Variants in NSMCE2 observed in about 807,000 individuals in gnomAD.
NSMCE2 encodes the protein NSE2 SUMO ligase component of SMC5/6 complex.
Under a neutral mutation model 23.8 loss-of-function variants are expected in NSMCE2, and 24 were observed. That is an observed-to-expected ratio of 1.01 (90% confidence interval 0.73 to 1.42). NSMCE2 has a LOEUF of 1.42. NSMCE2 is among the 40% of genes most tolerant of loss of function. The pLI is 0.00. For missense variants in NSMCE2, 284 were observed against 296.5 expected (o/e 0.96, Z 0.31); for synonymous variants, 92 against 94.1 (o/e 0.98, Z 0.13).
rs142877289 is a variant in NSMCE2 at position 125,252,449 on chromosome 8, C to G, written c.418+70193C>G. Among the ~76,000 whole-genome samples the G allele has an allele frequency of 2.1e-3, 327 of 152,272 alleles. 6 individuals are homozygous for G. In the East Asian group the frequency reaches 0.054, roughly 25 times the overall value. On this transcript the variant is annotated intron_variant, in intron 5 of 7. Transcript: ENST00000287437. ...GGCGAGACAGGAGAATGGCGTGAAC[C>G]CAGGAGGCGGAGCTCGCAGTGAGCT...
At chr8:125,248,851 C>T (rs1317076473) in intron 5 of NSMCE2, among the ~76,000 whole-genome samples, 1 of 152,028 alleles carries the variant, frequency 6.6e-6, no homozygotes, top group Non-Finnish European at 1.5e-5. Context: ...AGTAGCTTGC[C>T]CTAGGGCACT....
At chr8:125,228,908 C>CT in intron 5 of NSMCE2, among the ~76,000 whole-genome samples, 1 of 152,186 alleles carries the variant, frequency 6.6e-6, no homozygotes, top group Non-Finnish European at 1.5e-5. Flanking sequence ...GTGATTCCCT[C>CT]TAAGTTACAA....
intron 4 of NSMCE2, among the ~76,000 whole-genome samples, chr8:125,152,748 G>GTATTTT (rs1014658216): frequency 3.9e-5 from 6 of 152,090 alleles, no homozygotes; most frequent in Admixed American, 3.3e-4. Context: ...GATACTTAAG[G>GTATTTT]TATTTTTACA....
chr8:125,118,893 A>G (rs574770668), intron 3 of NSMCE2, among the ~76,000 whole-genome samples: 1 of 152,344 alleles, frequency 6.6e-6, no homozygotes, highest in East Asian at 1.9e-4. Context: ...TATGAATCAT[A>G]AGTATTTATT....
At chr8:125,324,572 C>CTT (rs1189623667) in intron 5 of NSMCE2, among the ~76,000 whole-genome samples, 1,388 of 59,328 alleles carry the variant, frequency 0.023, 217 homozygotes, top group African/African-American at 0.066. Flanking sequence ...TGATAAAATT[C>CTT]TTTTTTTTTT....
At chr8:125,281,745 C>CT (rs796070486) in intron 5 of NSMCE2, among the ~76,000 whole-genome samples, 278 of 142,676 alleles carry the variant, frequency 1.9e-3, no homozygotes, top group Middle Eastern at 3.5e-3. Flanking sequence ...ACGGCCGTAA[C>CT]TTTTTTTTTT....
At chr8:125,321,543 C>T (rs11774053) in intron 5 of NSMCE2, among the ~76,000 whole-genome samples, 66,951 of 152,032 alleles carry the variant, frequency 0.44, 17,035 homozygotes, top group East Asian at 0.55. Context: ...TTCTACAAGG[C>T]TAGCATTACC....
chr8:125,098,460 T>C (rs1818038838), intron 1 of NSMCE2, among the ~76,000 whole-genome samples: 1 of 152,102 alleles, frequency 6.6e-6, no homozygotes, highest in South Asian at 2.1e-4. Flanking sequence ...CACATGATCT[T>C]ACGTACATTT....
intron 5 of NSMCE2, among the ~76,000 whole-genome samples, chr8:125,190,369 C>T (rs1337252869): frequency 6.6e-6 from 1 of 152,108 alleles, no homozygotes; most frequent in Non-Finnish European, 1.5e-5. Context: ...GTGACATGCC[C>T]AAGAACAACA....
chr8:125,291,731 A>G (rs1828112908), intron 5 of NSMCE2, among the ~76,000 whole-genome samples: 1 of 152,194 alleles, frequency 6.6e-6, no homozygotes, highest in Admixed American at 6.5e-5. Context: ...GCCAGTATCT[A>G]ATAGTGTTTC....
intron 3 of NSMCE2, among the ~76,000 whole-genome samples, chr8:125,140,672 A>C (rs1329934601): frequency 3.9e-5 from 6 of 152,018 alleles, no homozygotes; most frequent in African/African-American, 1.4e-4. Flanking sequence ...TATGAGATTT[A>C]AGCCTCACTT....
intron 3 of NSMCE2, among the ~76,000 whole-genome samples, chr8:125,116,131 A>C (rs1336416377): frequency 6.6e-6 from 1 of 152,182 alleles, no homozygotes; most frequent in Non-Finnish European, 1.5e-5. Context: ...AATCCTTAAC[A>C]GCTGTTAGTG....
chr8:125,223,085 A>G (rs1476552313), intron 5 of NSMCE2, among the ~76,000 whole-genome samples: 1 of 151,078 alleles, frequency 6.6e-6, no homozygotes, highest in African/African-American at 2.4e-5. Context: ...AATAAAATAA[A>G]ATAAGCACGG....
rs377653236 is a variant in NSMCE2 at position 125,131,590 on chromosome 8, A to G, written c.158-19581A>G. On this transcript the variant is annotated intron_variant, in intron 3 of 7. Transcript: ENST00000287437. ...AGGTGCAACACCATGGTAGCTTTTC[A>G]TTGAGTTCTAACGTGGAAAAAAAAA... Among the ~76,000 whole-genome samples the G allele has an allele frequency of 2.8e-4, 43 of 152,082 alleles. 1 individual carries two copies. The South Asian group carries it at 8.5e-3, about 30-fold the overall frequency.
chr8:125,264,942 A>G (rs536084406), intron 5 of NSMCE2, among the ~76,000 whole-genome samples: 39 of 152,300 alleles, frequency 2.6e-4, no homozygotes, highest in Admixed American at 2.2e-3. Flanking sequence ...GTACTATACA[A>G]ATGAGAAATC....
At chr8:125,138,367 A>T (rs377295828) in intron 3 of NSMCE2, among the ~76,000 whole-genome samples, 2 of 152,030 alleles carry the variant, frequency 1.3e-5, no homozygotes, top group Admixed American at 1.3e-4. Flanking sequence ...GGGACTTTAC[A>T]GGTGCATGCT....
intron 5 of NSMCE2, among the ~76,000 whole-genome samples, chr8:125,308,325 A>G (rs1412534089): frequency 6.6e-6 from 1 of 152,234 alleles, no homozygotes; most frequent in African/African-American, 2.4e-5. Context: ...TTGGGGGGAA[A>G]AAATCCTAAG....
At chr8:125,145,208 TGA>T in intron 3 of NSMCE2, among the ~76,000 whole-genome samples, 1 of 152,284 alleles carries the variant, frequency 6.6e-6, no homozygotes, top group South Asian at 2.1e-4. Context: ...CTTCCTGGTT[TGA>T]ATAACACTTC....
chr8:125,100,247 AAG>A (rs1338569069), intron 1 of NSMCE2, among the ~76,000 whole-genome samples: 1 of 152,148 alleles, frequency 6.6e-6, no homozygotes, highest in Non-Finnish European at 1.5e-5. Context: ...GGAGTCGTAA[AAG>A]AGCATAATAG....
Sources: allele counts gnomAD v4.1 joint callset (sites outside exome capture counted in the v4.1 genomes callset), GRCh38; gene constraint gnomAD v4.1.1; transcripts MANE v1.5; gene names NCBI Gene and HGNC (gene_info 2026-07-23, HGNC 2026-07-21).